The following CYSTM1 variants were observed in gnomAD, a reference collection of about 807,000 sequenced individuals.
CYSTM1 encodes cysteine rich transmembrane module containing 1.
Under a neutral mutation model 13.1 loss-of-function variants are expected in CYSTM1, and 4 were observed. The ratio of observed to expected loss-of-function variants is 0.31; its 90% CI spans 0.15 to 0.70. CYSTM1 has a LOEUF of 0.70. Among genes scored for constraint, CYSTM1 ranks in the 30% least tolerant of loss-of-function variants. CYSTM1 has a pLI of 0.72. For synonymous variants in CYSTM1, 36 were observed against 42.7 expected (o/e 0.84, Z 0.62); for missense variants, 96 against 121.6 (o/e 0.79, Z 0.99).
chr5:140,233,087 C>A (rs1275345027), intron 2 of CYSTM1, among the ~76,000 whole-genome samples: 2 of 152,146 alleles, frequency 1.3e-5, no homozygotes, highest in Admixed American at 6.5e-5. Context: ...CATGCAACTC[C>A]AGTCTGGAAA....
intron 2 of CYSTM1, among the ~76,000 whole-genome samples, chr5:140,238,698 T>G (rs1165546423): frequency 6.6e-6 from 1 of 152,168 alleles, no homozygotes; most frequent in African/African-American, 2.4e-5. Context: ...TGTCTTGACG[T>G]TTTTACTTAT....
chr5:140,207,261 A>T (rs1581064978), intron 2 of CYSTM1, among the ~76,000 whole-genome samples: 1 of 152,124 alleles, frequency 6.6e-6, no homozygotes, highest in Admixed American at 6.5e-5. Context: ...CAGGCTGCTT[A>T]TGGGGTCCTT....
intron 2 of CYSTM1, among the ~76,000 whole-genome samples, chr5:140,234,235 C>G (rs989215610): frequency 1.3e-5 from 2 of 152,188 alleles, no homozygotes; most frequent in Non-Finnish European, 2.9e-5. Flanking sequence ...ATTGCCTTTG[C>G]TTATGTGTCA....
chr5:140,228,690 GTCTC>G (rs1177620683), intron 2 of CYSTM1: 5 of 398,776 alleles, frequency 1.3e-5, no homozygotes, highest in Non-Finnish European at 2.2e-5. Context: ...CTCTGACTGG[GTCTC>G]TCTCTCCTCT....
rs1161281232 is a variant in CYSTM1, at chr5:140,177,068, CAA to C, written c.-21+1801_-21+1802del. On this transcript the variant is annotated intron_variant, in intron 1 of 2. Coordinates refer to ENST00000261811, the MANE Select transcript of CYSTM1 (RefSeq NM_032412.4). ...TGGGCGACAGAGCGAGACTCTGTCT[CAA>C]AAAAAAAAAAAAAAAAATCTCTAGT... Among the ~76,000 whole-genome samples, 57 of 87,936 alleles carry C rather than the reference CAA, an allele frequency of 6.5e-4. 1 individual carries two copies. The highest frequency in any genetic ancestry group is 2.2e-3 in the African/African-American group (50 of 22,990). The allele number at this position is 87,936 out of a possible 152,430, so 57.7% of individuals were successfully genotyped here.
At chr5:140,233,853 A>T (rs1463573367) in intron 2 of CYSTM1, among the ~76,000 whole-genome samples, 1 of 152,162 alleles carries the variant, frequency 6.6e-6, no homozygotes, top group Admixed American at 6.5e-5. Flanking sequence ...GAGTTGTTAT[A>T]TATTTTAGAT....
chr5:140,238,902 G>C (rs1306920854), intron 2 of CYSTM1, among the ~76,000 whole-genome samples: 1 of 149,422 alleles, frequency 6.7e-6, no homozygotes, highest in Admixed American at 6.6e-5. Flanking sequence ...CATCTCCCCT[G>C]GTGGCACTTT....
intron 2 of CYSTM1, chr5:140,203,319 T>G (rs1764253925): frequency 6.6e-6 from 1 of 152,234 alleles, no homozygotes; most frequent in Non-Finnish European, 1.5e-5. Context: ...AAACCTTACA[T>G]AGCCACAATA....
At chr5:140,187,012 G>C in intron 1 of CYSTM1, among the ~76,000 whole-genome samples, 1 of 152,212 alleles carries the variant, frequency 6.6e-6, no homozygotes, top group East Asian at 1.9e-4. Flanking sequence ...TGTAATCCCA[G>C]CTGCCCTGGA....
intron 1 of CYSTM1, among the ~76,000 whole-genome samples, chr5:140,180,784 C>G (rs1465495103): frequency 6.6e-6 from 1 of 152,100 alleles, no homozygotes; most frequent in Non-Finnish European, 1.5e-5. Context: ...GCCAAAACAA[C>G]AGATGATTTA....
chr5:140,215,423 G>C (rs1437043428), intron 2 of CYSTM1, among the ~76,000 whole-genome samples: 2 of 151,996 alleles, frequency 1.3e-5, no homozygotes, highest in Non-Finnish European at 2.9e-5. Context: ...GTCCAGAAGA[G>C]CTGGTTTCTT....
At chr5:140,237,006 A>T (rs1764689863) in intron 2 of CYSTM1, among the ~76,000 whole-genome samples, 1 of 152,142 alleles carries the variant, frequency 6.6e-6, no homozygotes, top group Admixed American at 6.5e-5. Flanking sequence ...ACGAGGGAGG[A>T]TGACATGCAC....
chr5:140,179,827 A>G (rs1351651510), intron 1 of CYSTM1, among the ~76,000 whole-genome samples: 2 of 151,418 alleles, frequency 1.3e-5, no homozygotes, highest in African/African-American at 4.9e-5. Flanking sequence ...TGCCTGGCTA[A>G]TTTTTTGTAT....
chr5:140,202,869 T>A (rs1764249148), intron 2 of CYSTM1: 1 of 152,224 alleles, frequency 6.6e-6, no homozygotes, highest in Non-Finnish European at 1.5e-5. Context: ...TTGTTTGATC[T>A]TATTGTCCTT....
rs1473709361 is a variant in CYSTM1 at position 140,219,468 on chromosome 5, C to G, written c.188-23837C>G. On this transcript the variant is annotated intron_variant, in intron 2 of 2. Transcript: ENST00000261811. This position sits in a 1 kb window ranked among gnomAD's most constrained non-coding sequence, Gnocchi z 4.1. ...GAGGGTTGCCCCCGAATCACCTTCT[C>G]ACCACATTCATTGAGAATGGTCATC... Among the ~76,000 whole-genome samples, 1 of 152,200 alleles carries G rather than the reference C, an allele frequency of 6.6e-6. No individual in the cohort carries two copies. The highest frequency in any genetic ancestry group is 6.5e-5 in the Admixed American group (1 of 15,278).
At chr5:140,235,647 C>T (rs969618934) in intron 2 of CYSTM1, among the ~76,000 whole-genome samples, 6 of 151,742 alleles carry the variant, frequency 4.0e-5, no homozygotes, top group African/African-American at 7.3e-5. Flanking sequence ...CCTCATGATC[C>T]GCCCACCTCA....
At chr5:140,210,606 C>A (rs977194333) in intron 2 of CYSTM1, among the ~76,000 whole-genome samples, 1 of 151,862 alleles carries the variant, frequency 6.6e-6, no homozygotes, top group Admixed American at 6.6e-5. Context: ...CTCTGCCTCC[C>A]AAGGCTCAAA....
In CYSTM1 at chr5:140,203,700, C is replaced by T. The variant is rs117310753; in HGVS notation, c.187+9048C>T. Among the ~76,000 whole-genome samples, 55 of 152,282 alleles carry T rather than the reference C, an allele frequency of 3.6e-4. 1 individual carries two copies. In the East Asian group the frequency reaches 9.8e-3, roughly 27 times the overall value. Reference sequence around the variant, plus strand: ...TAGGTGATCTGTCATTTTAAGGATACTCCTGTGAATTGGTTAGAAAGTCAT... The same window carrying T: ...TAGGTGATCTGTCATTTTAAGGATATTCCTGTGAATTGGTTAGAAAGTCAT... On this transcript the variant is annotated intron_variant, in intron 2 of 2. Coordinates refer to ENST00000261811, the MANE Select transcript of CYSTM1 (RefSeq NM_032412.4).
intron 1 of CYSTM1, among the ~76,000 whole-genome samples, chr5:140,182,366 A>G (rs1469474356): frequency 6.6e-6 from 1 of 152,180 alleles, no homozygotes; most frequent in Non-Finnish European, 1.5e-5. Context: ...TGGTTCTATG[A>G]TACTAGGAAG....
Sources: allele counts gnomAD v4.1 joint callset (sites outside exome capture counted in the v4.1 genomes callset), GRCh38; gene constraint gnomAD v4.1.1; non-coding constraint Gnocchi (gnomAD v3.1); transcripts MANE v1.5; gene names NCBI Gene and HGNC (gene_info 2026-07-23, HGNC 2026-07-21).